Variants in SNTG1 observed in about 807,000 individuals in gnomAD.
The protein encoded by SNTG1 is gamma-1-syntrophin.
In SNTG1, 39 loss-of-function variants were observed where a neutral mutation model predicts 74.7. That is an observed-to-expected ratio of 0.52 (90% confidence interval 0.40 to 0.68). The LOEUF (loss-of-function observed/expected upper bound fraction) is 0.68, where lower values mean the gene tolerates loss of function less well. Ranked by LOEUF, SNTG1 falls within the 30% of genes least tolerant of loss-of-function variation. The pLI, the probability that SNTG1 is intolerant of heterozygous loss-of-function variation, is 0.00. For missense variants in SNTG1, 685 were observed against 609.5 expected, an observed-to-expected ratio of 1.12 and a Z score of -1.30; for synonymous variants, 254 against 217.1, an observed-to-expected ratio of 1.17 and a Z score of -1.49.
intron 1 of SNTG1, among the ~76,000 whole-genome samples, chr8:49,984,936 A>G (rs915857856): frequency 2.0e-5 from 3 of 151,752 alleles, no homozygotes; most frequent in African/African-American, 7.2e-5. Flanking sequence ...CTGTTGGAGT[A>G]TGTTTTTTTT....
Position 50,361,957 on chromosome 8 carries a change from C to T in SNTG1, c.-27-32255C>T, listed in dbSNP as rs576894201. On this transcript the variant is annotated intron_variant, in intron 2 of 18. Transcript: ENST00000642720. ...TTAAAAATGGCACACCTATATAGAG[C>T]ACTCATGCTGAGCAGAGTTTGCAGG... Among the ~76,000 whole-genome samples the T allele has an allele frequency of 2.0e-5, 3 of 152,248 alleles. No individual in the cohort carries two copies. The East Asian group carries it at 5.8e-4, about 29-fold the overall frequency.
At chr8:50,171,625 C>T (rs2082812138) in intron 1 of SNTG1, among the ~76,000 whole-genome samples, 1 of 152,170 alleles carries the variant, frequency 6.6e-6, no homozygotes, top group South Asian at 2.1e-4. Context: ...TAAGTTGACA[C>T]TGAGTGTTAA....
chr8:50,083,321 A>C (rs1822581666), intron 1 of SNTG1, among the ~76,000 whole-genome samples: 1 of 152,230 alleles, frequency 6.6e-6, no homozygotes, highest in Non-Finnish European at 1.5e-5. Flanking sequence ...CAAGAGTCAG[A>C]ACAACATTTT....
chr8:50,109,464 G>A (rs567993960), intron 1 of SNTG1, among the ~76,000 whole-genome samples: 6 of 152,220 alleles, frequency 3.9e-5, no homozygotes, highest in African/African-American at 1.4e-4. Context: ...GAATCATAGT[G>A]GGGAAAATTG....
At chr8:50,536,182 T>A (rs1470076518) in intron 10 of SNTG1, among the ~76,000 whole-genome samples, 1 of 152,150 alleles carries the variant, frequency 6.6e-6, no homozygotes, top group Admixed American at 6.5e-5. Context: ...TTGAGCAGTG[T>A]TTTGAAAGTT....
chr8:50,150,383 A>G (rs996530226), intron 1 of SNTG1, among the ~76,000 whole-genome samples: 3 of 152,186 alleles, frequency 2.0e-5, no homozygotes, highest in African/African-American at 7.2e-5. Flanking sequence ...AATACCCTTT[A>G]TTTCTTTCTC....
chr8:50,598,155 C>T (rs2094744748), intron 13 of SNTG1, among the ~76,000 whole-genome samples: 1 of 151,842 alleles, frequency 6.6e-6, no homozygotes, highest in Non-Finnish European at 1.5e-5. Flanking sequence ...AGCCCAATTT[C>T]ATGAAGCAAT....
chr8:50,726,928 G>A (rs776400200), intron 17 of SNTG1, among the ~76,000 whole-genome samples: 1 of 152,058 alleles, frequency 6.6e-6, no homozygotes, highest in Non-Finnish European at 1.5e-5. Context: ...GATTTTGTGT[G>A]TCTTAACAAG....
At chr8:49,935,202 AGTGTGTGTGTGTGTGT>A (rs140067006) in intron 1 of SNTG1, among the ~76,000 whole-genome samples, 2 of 133,768 alleles carry the variant, frequency 1.5e-5, no homozygotes, top group Non-Finnish European at 1.6e-5. Flanking sequence ...GCCAAGCAGA[AGTGTGTGTGTGTGTGT>A]GTGTGTGTGT....
At chr8:50,598,304 G>A (rs2094745845) in intron 13 of SNTG1, among the ~76,000 whole-genome samples, 1 of 151,808 alleles carries the variant, frequency 6.6e-6, no homozygotes, top group Admixed American at 6.6e-5. Context: ...TCATTTTTCT[G>A]AGTATAGACA....
chr8:50,710,616 A>C (rs1028527874), intron 17 of SNTG1, among the ~76,000 whole-genome samples: 3 of 152,222 alleles, frequency 2.0e-5, no homozygotes, highest in Non-Finnish European at 4.4e-5. Context: ...GAGTATGCGA[A>C]TCTATTCTGA....
chr8:50,594,150 ATGT>A (rs1345698304), intron 13 of SNTG1, among the ~76,000 whole-genome samples: 2 of 152,298 alleles, frequency 1.3e-5, no homozygotes, highest in East Asian at 3.9e-4. Flanking sequence ...AAGTCAAGTG[ATGT>A]TGTGATAATT....
chr8:49,994,285 T>C (rs1214429008), intron 1 of SNTG1, among the ~76,000 whole-genome samples: 1 of 144,254 alleles, frequency 6.9e-6, no homozygotes. Context: ...AGATGGAGTC[T>C]CACTCTGTCA....
chr8:50,016,586 T>C (rs1346469964), intron 1 of SNTG1, among the ~76,000 whole-genome samples: 2 of 152,138 alleles, frequency 1.3e-5, no homozygotes, highest in Middle Eastern at 3.2e-3. Flanking sequence ...TGTATGTTCA[T>C]TAGCAGTTTC....
Position 50,738,882 on chromosome 8 carries a change from C to A in SNTG1, c.1285-13119C>A, listed in dbSNP as rs1325800337. On this transcript the variant is annotated intron_variant, in intron 17 of 18. Coordinates refer to ENST00000642720, the MANE Select transcript of SNTG1 (RefSeq NM_018967.5). ...CATACGCAGAAAACTGAAACTGGAC[C>A]CCCTTTTTACACCTTATACAAAAAT... 4.0e-5 allele frequency among the ~76,000 whole-genome samples: 6 copies of A among 151,828 alleles called. No homozygotes were observed. The East Asian group carries it at 1.2e-3, about 29-fold the overall frequency.
intron 2 of SNTG1, among the ~76,000 whole-genome samples, chr8:50,178,511 C>T (rs1476607118): frequency 1.3e-5 from 2 of 152,224 alleles, no homozygotes; most frequent in Middle Eastern, 3.4e-3. Flanking sequence ...ATAGACAATA[C>T]TAATTAATAC....
intron 18 of SNTG1, among the ~76,000 whole-genome samples, chr8:50,770,503 GA>G (rs772385528): frequency 5.9e-5 from 9 of 152,026 alleles, no homozygotes; most frequent in Admixed American, 1.3e-4. Flanking sequence ...CAGCACCTCA[GA>G]ACCCACTGAA....
chr8:50,011,475 G>T (rs1454458790), intron 1 of SNTG1, among the ~76,000 whole-genome samples: 1 of 152,054 alleles, frequency 6.6e-6, no homozygotes, highest in East Asian at 1.9e-4. Flanking sequence ...GAGGGAGTTT[G>T]ATGAAGTTAT....
intron 2 of SNTG1, 122 bp downstream of exon 2, chr8:50,172,757 C>G (rs1224251944): frequency 7.6e-6 from 1 of 131,962 alleles, no homozygotes; most frequent in Non-Finnish European, 1.6e-5. Flanking sequence ...AAGCTTCTTT[C>G]TCTGTTCTTG....
Sources: gnomAD v4.1 joint callset for allele counts (sites outside exome capture counted in the v4.1 genomes callset) on GRCh38, gnomAD v4.1.1 for gene constraint, MANE v1.5 for transcripts, NCBI Gene and HGNC (gene_info 2026-07-23, HGNC 2026-07-21) for gene names.